Variants in DISC1 observed in about 807,000 individuals in gnomAD.
The protein encoded by DISC1 is DISC1 scaffold protein.
A neutral mutation model predicts 84.5 loss-of-function variants in DISC1; 57 were observed. That is an observed-to-expected ratio of 0.67 (90% CI 0.55 to 0.84). The LOEUF is 0.84. DISC1 is among the 40% of genes least tolerant of loss of function. The probability of loss-of-function intolerance (pLI) is 0.00; values close to 1 mark genes in which losing one functional copy is unlikely to be tolerated. For missense variants in DISC1, 1,000 were observed against 1,057.8 expected (o/e 0.95, Z 0.76); for synonymous variants, 411 against 415.2 (o/e 0.99, Z 0.12).
chr1:231,668,053 CAA>C (rs111268435), intron 1 of DISC1, among the ~76,000 whole-genome samples: 21 of 94,594 alleles, frequency 2.2e-4, no homozygotes, highest in African/African-American at 2.9e-4. Flanking sequence ...AAGACTCTGT[CAA>C]AAAAAAAAAA....
intron 3 of DISC1, among the ~76,000 whole-genome samples, chr1:231,716,340 A>T (rs1023717612): frequency 1.4e-5 from 2 of 144,928 alleles, no homozygotes; most frequent in Non-Finnish European, 3.0e-5. Context: ...AAAAAAAAAA[A>T]TTGGAAATGA....
At chr1:232,017,480 CTTTTTT>C (rs56672398) in intron 11 of DISC1, among the ~76,000 whole-genome samples, 3 of 132,806 alleles carry the variant, frequency 2.3e-5, no homozygotes, top group Admixed American at 7.6e-5. Flanking sequence ...AACACCTGTC[CTTTTTT>C]TTTTTTTTTT....
chr1:231,725,180 C>T (rs1372321491), intron 3 of DISC1, among the ~76,000 whole-genome samples: 4 of 152,156 alleles, frequency 2.6e-5, no homozygotes, highest in East Asian at 1.9e-4. Flanking sequence ...GCTCAAGTCC[C>T]TCTTGATGAT....
chr1:231,831,513 G>A (rs56176872), intron 9 of DISC1, among the ~76,000 whole-genome samples: 35,036 of 151,366 alleles, frequency 0.23, 3,234 homozygotes, highest in Non-Finnish European at 0.25. Context: ...AAAACTGGCC[G>A]TGAGGGACAG....
Position 231,981,885 on chromosome 1 carries a change from G to A in DISC1, c.2042+22997G>A, listed in dbSNP as rs376352860. On this transcript the variant is annotated intron_variant, in intron 10 of 12. Coordinates refer to ENST00000439617, the MANE Select transcript of DISC1 (RefSeq NM_018662.3). ...GTGGCCTTTGGCCACATAAGAGAGT[G>A]TTAGAAGGTAGACAGATTATTTTAA... 2.6e-4 allele frequency among the ~76,000 whole-genome samples: 39 copies of A among 152,298 alleles called. No individual in the cohort carries two copies. The South Asian group carries it at 8.1e-3, about 32-fold the overall frequency.
At chr1:231,804,637 G>C (rs1390821125) in intron 8 of DISC1, among the ~76,000 whole-genome samples, 3 of 152,084 alleles carry the variant, frequency 2.0e-5, no homozygotes, top group Admixed American at 2.0e-4. Flanking sequence ...TTTTTTGATA[G>C]CTGTGTTCTC....
Position 231,768,272 on chromosome 1 carries a change from C to T in DISC1, c.1398+1003C>T, listed in dbSNP as rs564869275. On this transcript the variant is annotated intron_variant, in intron 5 of 12. Transcript: ENST00000439617. ...GGGAAGAGCATAGGTCTTCAACACC[C>T]AAGTTCAAATCCTGGCTTAGGCTGG... Among the ~76,000 whole-genome samples the T allele has an allele frequency of 9.5e-4, 144 of 152,218 alleles. 1 individual carries two copies. Among genetic ancestry groups the T allele is most frequent in the Non-Finnish European group, 1.7e-3 (118 of 68,000 alleles).
At chr1:231,917,137 T>A (rs57071960) in intron 9 of DISC1, among the ~76,000 whole-genome samples, 2,666 of 152,256 alleles carry the variant, frequency 0.018, 79 homozygotes, top group African/African-American at 0.06. Context: ...AAAAACAAAA[T>A]TTTAAAAACC....
At chr1:232,022,313 T>TC (rs1457605008) in intron 11 of DISC1, among the ~76,000 whole-genome samples, 2 of 127,068 alleles carry the variant, frequency 1.6e-5, no homozygotes, top group Non-Finnish European at 3.2e-5. Flanking sequence ...CCATGGTTCT[T>TC]TTTTTTTTTT....
intron 5 of DISC1, 60 bp downstream of exon 5, chr1:231,767,329 G>T: frequency 1.9e-6 from 3 of 1,599,332 alleles, no homozygotes; most frequent in Non-Finnish European, 1.7e-6. Flanking sequence ...TTGAGACAGG[G>T]TCTTGCTCTG....
rs140796959 is a variant in DISC1 at position 231,999,760 on chromosome 1, G to A, written c.2043-9025G>A. ...CTTCTGCCTTCTGCCCCTTCAGCTA[G>A]CACCATCAGGGACCAGTGGAAGTTC... On this transcript the variant is annotated intron_variant, in intron 10 of 12. Transcript: ENST00000439617. Among the ~76,000 whole-genome samples, 627 of 152,174 alleles carry A rather than the reference G, an allele frequency of 4.1e-3. 4 individuals are homozygous for A. Among genetic ancestry groups the A allele is most frequent in the African/African-American group, 0.014 (565 of 41,516 alleles).
chr1:231,803,413 A>G (rs1216412434), intron 8 of DISC1, among the ~76,000 whole-genome samples: 1 of 152,172 alleles, frequency 6.6e-6, no homozygotes, highest in Non-Finnish European at 1.5e-5. Context: ...ACAGGAGTCC[A>G]GAGTGACTTA....
chr1:231,777,709 C>G (rs1176333418), intron 6 of DISC1, among the ~76,000 whole-genome samples: 1 of 152,168 alleles, frequency 6.6e-6, no homozygotes, highest in East Asian at 1.9e-4. Flanking sequence ...TGTGCCCTCT[C>G]CACTCAAATT....
At chr1:232,030,148 A>G (rs1669866117) in intron 12 of DISC1, among the ~76,000 whole-genome samples, 1 of 152,172 alleles carries the variant, frequency 6.6e-6, no homozygotes, top group Non-Finnish European at 1.5e-5. Flanking sequence ...AGGAGGTGTG[A>G]CTTCACGGCC....
At chr1:231,728,987 TC>T (rs1241554789) in intron 3 of DISC1, among the ~76,000 whole-genome samples, 1 of 151,886 alleles carries the variant, frequency 6.6e-6, no homozygotes, top group African/African-American at 2.4e-5. Context: ...ATGCTATCCC[TC>T]CCCCTCCCCC....
chr1:231,924,482 G>A (rs188061803), intron 9 of DISC1, among the ~76,000 whole-genome samples: 23 of 152,278 alleles, frequency 1.5e-4, no homozygotes, highest in African/African-American at 5.3e-4. Context: ...GGGGGTGGGT[G>A]TGAATGTATC....
In DISC1 at chr1:231,652,087, G is replaced by A. The variant is rs181017915; in HGVS notation, c.67+25153G>A. Among the ~76,000 whole-genome samples, 202 of 152,312 alleles carry A rather than the reference G, an allele frequency of 1.3e-3. No homozygotes were observed. The Middle Eastern group carries it at 0.041, about 31-fold the overall frequency. On this transcript the variant is annotated intron_variant, in intron 1 of 12. Coordinates refer to ENST00000439617, the MANE Select transcript of DISC1 (RefSeq NM_018662.3). Reference sequence around the variant, plus strand: ...CGCCCTGCTTCGGCTCACCCTGTGTGGGCTGCACCCACTCTCCAACCAGTC... The same window carrying A: ...CGCCCTGCTTCGGCTCACCCTGTGTAGGCTGCACCCACTCTCCAACCAGTC...
intron 9 of DISC1, among the ~76,000 whole-genome samples, chr1:231,825,399 T>C (rs968486345): frequency 6.6e-6 from 1 of 152,248 alleles, no homozygotes; most frequent in South Asian, 2.1e-4. Flanking sequence ...TTGTAGATTA[T>C]TCTTACTAAT....
At chr1:231,907,127 CTTCCTCTTTCTTTCTT>C (rs1202342758) in intron 9 of DISC1, among the ~76,000 whole-genome samples, 1,020 of 48,536 alleles carry the variant, frequency 0.021, 217 homozygotes, top group South Asian at 0.035. Flanking sequence ...TCCTTCCTTC[CTTCCTCTTTCTTTCTT>C]TCTTTCTTTC....
Sources: gnomAD v4.1 joint callset for allele counts (sites outside exome capture counted in the v4.1 genomes callset) on GRCh38, gnomAD v4.1.1 for gene constraint, MANE v1.5 for transcripts, NCBI Gene and HGNC (gene_info 2026-07-23, HGNC 2026-07-21) for gene names.